GRIN2B: variants seen among roughly 807,000 people sequenced by gnomAD.
The protein encoded by GRIN2B is glutamate receptor ionotropic, NMDA 2B.
A neutral mutation model predicts 114.5 loss-of-function variants in GRIN2B; 5 were observed. That is an observed-to-expected ratio of 0.04 (90% CI 0.02 to 0.09). The LOEUF (loss-of-function observed/expected upper bound fraction) is 0.09. Ranked by LOEUF, GRIN2B falls within the 10% of genes least tolerant of loss-of-function variation. The probability of loss-of-function intolerance (pLI) is 1.00; values close to 1 mark genes in which losing one functional copy is unlikely to be tolerated. For synonymous variants in GRIN2B, 787 were observed against 745.1 expected (o/e 1.06, Z -0.92); for missense variants, 1,108 against 1,943.5 (o/e 0.57, Z 8.08).
rs115415932 is a variant in GRIN2B at position 13,932,025 on chromosome 12, G to C, written c.-19+47903C>G. The stretch of plus-strand genomic sequence containing the variant: ...AATCATCCTCTTTCCATCACACTTA[G>C]AATAAAATGACTTTCCATTATAGAA... On this transcript the variant is annotated intron_variant, in intron 2 of 13. Coordinates refer to ENST00000609686, the MANE Select transcript of GRIN2B (RefSeq NM_000834.5). Among the ~76,000 whole-genome samples the C allele has an allele frequency of 5.9e-3, 900 of 152,248 alleles. 8 individuals are homozygous for C. The highest frequency in any genetic ancestry group is 0.021 in the African/African-American group (862 of 41,556).
intron 3 of GRIN2B, among the ~76,000 whole-genome samples, chr12:13,851,506 G>A (rs929810532): frequency 4.6e-5 from 7 of 152,086 alleles, no homozygotes; most frequent in Non-Finnish European, 4.4e-5. Flanking sequence ...CTCAAACTGG[G>A]AAGTTTATAA....
chr12:13,546,154 T>G lies in GRIN2B; in HGVS notation c.*16629A>C, dbSNP rs78148247. The G allele has an allele frequency of 2.0e-3, 298 of 152,290 alleles. 2 individuals carry two copies. The highest frequency in any genetic ancestry group is 7.0e-3 in the African/African-American group (291 of 41,558). 9.4% of individuals were successfully genotyped at this position (152,290 alleles called of 1,614,324 possible). The stretch of plus-strand genomic sequence containing the variant: ...AAAGGTTCAGCTAACTCCATTCCCC[T>G]GATATATTCAGTTCTCAGTGCCCCT... On this transcript the variant is annotated 3_prime_UTR_variant, in exon 14 of 14. Transcript: ENST00000609686.
chr12:13,700,117 G>A (rs1175941272), intron 4 of GRIN2B, among the ~76,000 whole-genome samples: 2 of 152,088 alleles, frequency 1.3e-5, no homozygotes, highest in Non-Finnish European at 2.9e-5. Flanking sequence ...GTGGGGAGGT[G>A]GGATGGGAGA....
Position 13,893,053 on chromosome 12 carries a change from T to C in GRIN2B, c.-18-26827A>G, listed in dbSNP as rs144007498. Among the ~76,000 whole-genome samples, 597 of 152,292 alleles carry C rather than the reference T, an allele frequency of 3.9e-3. 2 individuals carry two copies. Among genetic ancestry groups the C allele is most frequent in the Middle Eastern group, 0.014 (4 of 292 alleles). ...CCCTTGAGAATCATTTAGTTAGCTC[T>C]AGATTTTGTTCAGTATTCAAATTGA... On this transcript the variant is annotated intron_variant, in intron 2 of 13. Transcript: ENST00000609686.
intron 3 of GRIN2B, among the ~76,000 whole-genome samples, chr12:13,840,091 T>G (rs150910826): frequency 6.6e-6 from 1 of 152,258 alleles, no homozygotes; most frequent in East Asian, 1.9e-4. Flanking sequence ...GTGAGGTGTG[T>G]TTCACTCCAT....
intron 5 of GRIN2B, among the ~76,000 whole-genome samples, chr12:13,627,470 T>C (rs1949579313): frequency 6.6e-6 from 1 of 152,240 alleles, no homozygotes; most frequent in South Asian, 2.1e-4. Flanking sequence ...TGGAGCATGG[T>C]GAGCCCTGAG....
chr12:13,755,390 C>T (rs1863559263), intron 3 of GRIN2B, among the ~76,000 whole-genome samples: 1 of 152,186 alleles, frequency 6.6e-6, no homozygotes, highest in African/African-American at 2.4e-5. Context: ...ACAGCTTGAA[C>T]TTTTCACATT....
At chr12:13,597,800 G>C (rs1043408786) in intron 10 of GRIN2B, among the ~76,000 whole-genome samples, 2 of 152,158 alleles carry the variant, frequency 1.3e-5, no homozygotes, top group Admixed American at 6.5e-5. Flanking sequence ...ACAACTTCTG[G>C]TCAAGACCCT....
chr12:13,875,197 A>G (rs1179375872), intron 2 of GRIN2B, among the ~76,000 whole-genome samples: 1 of 152,082 alleles, frequency 6.6e-6, no homozygotes, highest in Non-Finnish European at 1.5e-5. Context: ...CTGCATATGT[A>G]CCCCAGAACT....
chr12:13,600,057 C>A (rs927934915), intron 10 of GRIN2B, among the ~76,000 whole-genome samples: 1 of 152,208 alleles, frequency 6.6e-6, no homozygotes, highest in Middle Eastern at 3.2e-3. Flanking sequence ...TGAATTCAGA[C>A]TCATGCTAGT....
At chr12:13,884,986 G>C (rs1866131479) in intron 2 of GRIN2B, among the ~76,000 whole-genome samples, 1 of 152,062 alleles carries the variant, frequency 6.6e-6, no homozygotes, top group Non-Finnish European at 1.5e-5. Context: ...GAGAGATTGA[G>C]TGAAGGATCA....
chr12:13,965,705 T>A (rs566666180), intron 2 of GRIN2B, among the ~76,000 whole-genome samples: 1 of 152,324 alleles, frequency 6.6e-6, no homozygotes, highest in African/African-American at 2.4e-5. Flanking sequence ...TAACTAAAGT[T>A]TTTCATTTTT....
intron 10 of GRIN2B, among the ~76,000 whole-genome samples, chr12:13,572,229 C>G (rs1948717318): frequency 6.6e-6 from 1 of 152,052 alleles, no homozygotes; most frequent in Admixed American, 6.5e-5. Context: ...AATCTATAAC[C>G]CTTCTATGTT....
chr12:13,933,376 G>T (rs1376249632), intron 2 of GRIN2B, among the ~76,000 whole-genome samples: 2 of 152,224 alleles, frequency 1.3e-5, no homozygotes, highest in South Asian at 2.1e-4. Context: ...CTCCGTTTTG[G>T]TCACTACCTG....
rs1948464751 is a variant in GRIN2B at position 13,555,211 on chromosome 12, G to A, written c.*7572C>T. On this transcript the variant is annotated 3_prime_UTR_variant, in exon 14 of 14. Transcript: ENST00000609686. ...AGAGAACTAAGATTAAAACCAGAAT[G>A]TATTGCCTCCCAATGGTAATTGTCA... The A allele has an allele frequency of 6.6e-6, 1 of 152,188 alleles. No homozygotes were observed. Among genetic ancestry groups the A allele is most frequent in the Admixed American group, 6.5e-5 (1 of 15,280 alleles). 9.4% of individuals were successfully genotyped at this position (152,188 alleles called of 1,614,324 possible). A position where few individuals can be genotyped will look rare whatever the true frequency, so the allele number is the denominator to read the frequency against.
At chr12:13,703,255 C>A (rs965432231) in intron 4 of GRIN2B, among the ~76,000 whole-genome samples, 8 of 152,082 alleles carry the variant, frequency 5.3e-5, no homozygotes, top group African/African-American at 1.9e-4. Context: ...GATAACAGGC[C>A]TTTAAACCCC....
chr12:13,649,249 A>C (rs1414331674), intron 5 of GRIN2B, among the ~76,000 whole-genome samples: 1 of 152,060 alleles, frequency 6.6e-6, no homozygotes, highest in Non-Finnish European at 1.5e-5. Context: ...AGGCAGGGAG[A>C]GAAGACAGAA....
intron 4 of GRIN2B, among the ~76,000 whole-genome samples, chr12:13,743,905 A>G (rs917397538): frequency 2.0e-5 from 3 of 152,196 alleles, no homozygotes; most frequent in Non-Finnish European, 2.9e-5. Flanking sequence ...GACCCCATCT[A>G]TAATCTCTTT....
rs1006226313 is a variant in GRIN2B at position 13,563,672 on chromosome 12, A to G, written c.3566T>C (p.Val1189Ala). The change falls in exon 14 of 14, where the codon GTG becomes GCG. Residue 1189 changes from valine (V) to alanine (A), a missense_variant. Val to Ala is a moderately conservative substitution (Grantham distance 64). Coordinates refer to ENST00000609686, the MANE Select transcript of GRIN2B (RefSeq NM_000834.5). ...IKHGTGDKHG[V>A]VSGVPAPWEK... is the part of the protein sequence containing the mutation. Reference sequence around the variant, plus strand: ...CCAAGGTGCAGGTACCCCGCTGACCACGCCGTGTTTGTCGCCCGTCCCGTG... The same window carrying G: ...CCAAGGTGCAGGTACCCCGCTGACCGCGCCGTGTTTGTCGCCCGTCCCGTG... The G allele has an allele frequency of 6.2e-7, 1 of 1,613,460 alleles. No homozygotes were observed. The highest frequency in any genetic ancestry group is 1.7e-5 in the Admixed American group (1 of 59,996).
Sources: allele counts gnomAD v4.1 joint callset (sites outside exome capture counted in the v4.1 genomes callset), GRCh38; gene constraint gnomAD v4.1.1; transcripts MANE v1.5; gene names NCBI Gene and HGNC (gene_info 2026-07-23, HGNC 2026-07-21).